The following HSF2BP variants were observed in gnomAD, a reference collection of about 807,000 sequenced individuals.
HSF2BP encodes the protein heat shock factor 2-binding protein.
A neutral mutation model predicts 35.0 loss-of-function variants in HSF2BP; 35 were observed. The observed-to-expected ratio is 1.00, with a 90% confidence interval of 0.76 to 1.32. The LOEUF (loss-of-function observed/expected upper bound fraction) is 1.32, where lower values mean the gene tolerates loss of function less well. HSF2BP is among the 40% of genes most tolerant of loss of function. HSF2BP has a pLI of 0.00. For missense variants in HSF2BP, 326 were observed against 321.7 expected, an observed-to-expected ratio of 1.01 and a Z score of -0.10; for synonymous variants, 114 against 117.4, an observed-to-expected ratio of 0.97 and a Z score of 0.18.
intron 4 of HSF2BP, among the ~76,000 whole-genome samples, chr21:43,638,839 G>C (rs770516126): frequency 2.0e-5 from 3 of 152,184 alleles, no homozygotes; most frequent in Non-Finnish European, 4.4e-5. Flanking sequence ...AAAGAAGCTA[G>C]AATAGTTAGG....
At position 43,633,450 on chromosome 21, in the gene HSF2BP, A is replaced by G. The variant is rs374464780; in HGVS notation, c.292-29T>C. The G allele has an allele frequency of 1.2e-4, 182 of 1,581,128 alleles. No homozygotes were observed. In the African/African-American group the frequency reaches 2.1e-3, roughly 18 times the overall value. On this transcript the variant is annotated intron_variant, in intron 4 of 8. Transcript: ENST00000291560. Reference sequence around the variant, plus strand: ...AAAGCAAAACAAAATTGAAAAATAAATAATAGCATTCAACCTTGATATATC... The same window carrying G: ...AAAGCAAAACAAAATTGAAAAATAAGTAATAGCATTCAACCTTGATATATC...
intron 6 of HSF2BP, among the ~76,000 whole-genome samples, chr21:43,617,555 T>TA (rs1281118567): frequency 2.0e-5 from 3 of 151,478 alleles, no homozygotes; most frequent in African/African-American, 7.3e-5. Context: ...CTACCAAAAC[T>TA]AAAAAACTGC....
At chr21:43,656,127 T>G (rs1245126766) in intron 3 of HSF2BP, among the ~76,000 whole-genome samples, 5 of 152,186 alleles carry the variant, frequency 3.3e-5, no homozygotes, top group Non-Finnish European at 7.3e-5. Context: ...CTCAAAAGTC[T>G]GAATGGACAC....
intron 4 of HSF2BP, among the ~76,000 whole-genome samples, chr21:43,636,790 G>A (rs538320573): frequency 5.4e-4 from 81 of 150,958 alleles, no homozygotes; most frequent in African/African-American, 2.0e-3. Context: ...TGCTCAGGAG[G>A]CTGAGGCAGA....
chr21:43,598,142 A>T (rs2082007811), intron 7 of HSF2BP, among the ~76,000 whole-genome samples: 1 of 152,152 alleles, frequency 6.6e-6, no homozygotes, highest in African/African-American at 2.4e-5. Flanking sequence ...TATAAAAGCT[A>T]AGGTCTTCCT....
chr21:43,641,906 ACT>A (rs751947766), intron 4 of HSF2BP, among the ~76,000 whole-genome samples: 90 of 125,332 alleles, frequency 7.2e-4, no homozygotes, highest in Admixed American at 1.3e-3. Flanking sequence ...ACAGAGCAAG[ACT>A]CTGTCTCAAA....
intron 6 of HSF2BP, among the ~76,000 whole-genome samples, chr21:43,628,721 G>T (rs950608297): frequency 6.6e-6 from 1 of 152,204 alleles, no homozygotes; most frequent in Non-Finnish European, 1.5e-5. Context: ...GACTTTCACC[G>T]CTAGAGAAAA....
intron 6 of HSF2BP, among the ~76,000 whole-genome samples, chr21:43,625,486 C>A (rs531265299): frequency 2.0e-4 from 30 of 152,036 alleles, no homozygotes; most frequent in African/African-American, 7.2e-4. Context: ...GAATTAGTTC[C>A]ACAACCTAAT....
At chr21:43,575,709 C>T (rs943095027) in intron 8 of HSF2BP, among the ~76,000 whole-genome samples, 40 of 152,106 alleles carry the variant, frequency 2.6e-4, no homozygotes, top group African/African-American at 9.7e-4. Context: ...TGTTAGGATC[C>T]CACTATAGAC....
intron 6 of HSF2BP, among the ~76,000 whole-genome samples, chr21:43,624,623 G>C (rs73908346): frequency 0.013 from 1,952 of 152,246 alleles, 41 homozygotes; most frequent in African/African-American, 0.043. Flanking sequence ...GTCCCTGGAA[G>C]ACTAAGCTGG....
chr21:43,589,150 G>A (rs2081894429), intron 8 of HSF2BP, among the ~76,000 whole-genome samples: 3 of 152,104 alleles, frequency 2.0e-5, no homozygotes, highest in African/African-American at 7.2e-5. Flanking sequence ...CCCAAGCTCT[G>A]GCTGAACTTT....
intron 8 of HSF2BP, among the ~76,000 whole-genome samples, chr21:43,578,640 A>G (rs531290150): frequency 6.6e-6 from 1 of 152,316 alleles, no homozygotes; most frequent in African/African-American, 2.4e-5. Flanking sequence ...TCTGTGTTGC[A>G]CAACACACAG....
chr21:43,609,200 G>A (rs971486626), intron 7 of HSF2BP, among the ~76,000 whole-genome samples: 2 of 152,160 alleles, frequency 1.3e-5, no homozygotes, highest in Admixed American at 6.5e-5. Context: ...AATATTGCAT[G>A]TTCTCATTTA....
At chr21:43,634,253 G>A (rs1037297562) in intron 4 of HSF2BP, among the ~76,000 whole-genome samples, 4 of 152,262 alleles carry the variant, frequency 2.6e-5, no homozygotes, top group Middle Eastern at 3.4e-3. Context: ...GGGAATGGCC[G>A]TCCTGATGGC....
intron 8 of HSF2BP, among the ~76,000 whole-genome samples, chr21:43,581,196 C>CTTGT (rs1461746811): frequency 2.0e-5 from 3 of 152,154 alleles, no homozygotes; most frequent in African/African-American, 7.2e-5. Flanking sequence ...ACCATCCTGG[C>CTTGT]TAACACGGTG....
chr21:43,468,093 TAC>T, the HSF2BP span, among the ~76,000 whole-genome samples: 1 of 87,098 alleles, frequency 1.1e-5, no homozygotes, highest in South Asian at 4.1e-4. Flanking sequence ...ACACACCACA[TAC>T]CACACACCAC....
At chr21:43,626,765 T>C (rs1409294977) in intron 6 of HSF2BP, among the ~76,000 whole-genome samples, 1 of 152,206 alleles carries the variant, frequency 6.6e-6, no homozygotes, top group Non-Finnish European at 1.5e-5. Flanking sequence ...TGAATCTCGT[T>C]AAGGCTGATA....
chr21:43,586,807 TA>T (rs1034780083), intron 8 of HSF2BP, among the ~76,000 whole-genome samples: 1 of 152,036 alleles, frequency 6.6e-6, no homozygotes, highest in African/African-American at 2.4e-5. Context: ...TCCTCGATCT[TA>T]TTTTTTTTTT....
intron 7 of HSF2BP, among the ~76,000 whole-genome samples, chr21:43,613,318 C>G (rs1302548142): frequency 6.6e-6 from 1 of 152,206 alleles, no homozygotes; most frequent in Non-Finnish European, 1.5e-5. Context: ...AGACACTGGA[C>G]TCTACCAGCC....
Sources: gnomAD v4.1 joint callset for allele counts (sites outside exome capture counted in the v4.1 genomes callset) on GRCh38, gnomAD v4.1.1 for gene constraint, MANE v1.5 for transcripts, NCBI Gene and HGNC (gene_info 2026-07-23, HGNC 2026-07-21) for gene names.